Variants in LCLAT1 observed in about 807,000 individuals in gnomAD.
LCLAT1 encodes the protein lysocardiolipin acyltransferase 1.
A neutral mutation model predicts 30.7 loss-of-function variants in LCLAT1; 11 were observed. That is an observed-to-expected ratio of 0.36 (90% CI 0.23 to 0.59). The LOEUF is 0.59. Ranked by LOEUF, LCLAT1 falls within the 20% of genes least tolerant of loss-of-function variation. LCLAT1 has a pLI of 0.77. For missense variants in LCLAT1, 402 were observed against 458.6 expected (o/e 0.88, Z 1.13); for synonymous variants, 155 against 151.3 (o/e 1.02, Z -0.18).
At chr2:30,491,275 T>G (rs141068306) in intron 1 of LCLAT1, among the ~76,000 whole-genome samples, 1 of 152,248 alleles carries the variant, frequency 6.6e-6, no homozygotes, top group African/African-American at 2.4e-5. Context: ...ATAGATACAT[T>G]AGTGCCATGT....
At chr2:30,499,573 A>C (rs1045134805) in intron 1 of LCLAT1, among the ~76,000 whole-genome samples, 1 of 152,192 alleles carries the variant, frequency 6.6e-6, no homozygotes, top group African/African-American at 2.4e-5. Context: ...CCAGTGGAGT[A>C]AGTTATCTCT....
At chr2:30,537,545 C>CAT (rs397766280) in intron 3 of LCLAT1, among the ~76,000 whole-genome samples, 76 of 149,816 alleles carry the variant, frequency 5.1e-4, no homozygotes, top group African/African-American at 1.7e-3. Context: ...CACACACACA[C>CAT]GCACGCACAC....
At chr2:30,517,938 G>A (rs1685267486) in intron 1 of LCLAT1, among the ~76,000 whole-genome samples, 1 of 152,142 alleles carries the variant, frequency 6.6e-6, no homozygotes, top group Non-Finnish European at 1.5e-5. Flanking sequence ...CAAAAGCGCT[G>A]AGGCCACTGA....
intron 5 of LCLAT1, among the ~76,000 whole-genome samples, chr2:30,625,777 A>C (rs1668479374): frequency 6.6e-6 from 1 of 152,206 alleles, no homozygotes; most frequent in South Asian, 2.1e-4. Flanking sequence ...TCCTGTTCTT[A>C]ATATGCCATT....
At chr2:30,558,726 A>G (rs139409601) in intron 3 of LCLAT1, among the ~76,000 whole-genome samples, 1 of 152,258 alleles carries the variant, frequency 6.6e-6, no homozygotes, top group Non-Finnish European at 1.5e-5. Context: ...GAAAATATAG[A>G]TAGAGCAATC....
At chr2:30,546,253 A>G (rs1453077511) in intron 3 of LCLAT1, among the ~76,000 whole-genome samples, 1 of 152,226 alleles carries the variant, frequency 6.6e-6, no homozygotes, top group African/African-American at 2.4e-5. Context: ...GAAACTGGAT[A>G]GGAAGCTGTT....
At chr2:30,459,571 A>C (rs770897044) in intron 1 of LCLAT1, 1 of 1,344,758 alleles carries the variant, frequency 7.4e-7, no homozygotes, top group Non-Finnish European at 1.1e-6. Flanking sequence ...CAGAGTGGGT[A>C]CTCTCTTCTG....
intron 4 of LCLAT1, among the ~76,000 whole-genome samples, chr2:30,564,025 T>C (rs1017617904): frequency 8.5e-5 from 13 of 152,184 alleles, no homozygotes; most frequent in African/African-American, 2.9e-4. Flanking sequence ...TAGAAGTGGT[T>C]GGATCACAGA....
intron 4 of LCLAT1, among the ~76,000 whole-genome samples, chr2:30,564,670 T>A (rs1572632060): frequency 6.6e-6 from 1 of 152,272 alleles, no homozygotes; most frequent in South Asian, 2.1e-4. Flanking sequence ...TAAAAAATCA[T>A]TTTAAAAAAT....
intron 3 of LCLAT1, among the ~76,000 whole-genome samples, chr2:30,557,415 C>A (rs1664976274): frequency 6.7e-6 from 1 of 149,740 alleles, no homozygotes; most frequent in Admixed American, 6.7e-5. Context: ...AAATTCACAT[C>A]AATTTTTTTT....
chr2:30,570,195 A>G (rs1665720705), intron 5 of LCLAT1, among the ~76,000 whole-genome samples: 2 of 152,176 alleles, frequency 1.3e-5, no homozygotes, highest in Admixed American at 1.3e-4. Flanking sequence ...GCACTAGTCA[A>G]CAACCACAGT....
intron 1 of LCLAT1, among the ~76,000 whole-genome samples, chr2:30,466,766 C>A (rs1177870825): frequency 5.9e-5 from 9 of 152,062 alleles, no homozygotes; most frequent in Non-Finnish European, 1.0e-4. Context: ...CCCTGGTAAT[C>A]TGGATTAACA....
chr2:30,456,644 GGTTT>G (rs1681852741), intron 1 of LCLAT1, among the ~76,000 whole-genome samples: 1 of 152,186 alleles, frequency 6.6e-6, no homozygotes, highest in African/African-American at 2.4e-5. Flanking sequence ...GGAGAGCAGG[GGTTT>G]GTTTTTTGTT....
At chr2:30,561,902 C>T (rs551867085) in intron 3 of LCLAT1, among the ~76,000 whole-genome samples, 12 of 152,142 alleles carry the variant, frequency 7.9e-5, no homozygotes, top group African/African-American at 2.4e-4. Flanking sequence ...AGCTAGTTTT[C>T]GCTTGAAAAG....
intron 5 of LCLAT1, among the ~76,000 whole-genome samples, chr2:30,577,261 A>G (rs1393874274): frequency 5.9e-5 from 9 of 152,218 alleles, no homozygotes; most frequent in Non-Finnish European, 1.0e-4. Flanking sequence ...TCGGCACTGC[A>G]TAAAGTGTAA....
At chr2:30,584,168 A>C (rs555285691) in intron 5 of LCLAT1, among the ~76,000 whole-genome samples, 1 of 152,292 alleles carries the variant, frequency 6.6e-6, no homozygotes, top group East Asian at 1.9e-4. Flanking sequence ...GGATCCCGTC[A>C]GCCAAACTGG....
chr2:30,485,140 G>A (rs1170717383), intron 1 of LCLAT1, among the ~76,000 whole-genome samples: 1 of 152,110 alleles, frequency 6.6e-6, no homozygotes, highest in African/African-American at 2.4e-5. Context: ...GGAAAGCATT[G>A]TGATAAGAGA....
chr2:30,514,266 C>T (rs558288072), intron 1 of LCLAT1, among the ~76,000 whole-genome samples: 1 of 152,332 alleles, frequency 6.6e-6, no homozygotes, highest in East Asian at 1.9e-4. Context: ...AGGGACATAA[C>T]AAGGTCCTTT....
At chr2:30,606,213 A>AT (rs1336826419) in intron 5 of LCLAT1, 4 of 325,570 alleles carry the variant, frequency 1.2e-5, no homozygotes, top group Non-Finnish European at 2.4e-5. Flanking sequence ...TGCCGTTGAC[A>AT]TTCTTCATAG....
Sources: gnomAD v4.1 joint callset for allele counts (sites outside exome capture counted in the v4.1 genomes callset) on GRCh38, gnomAD v4.1.1 for gene constraint, MANE v1.5 for transcripts, NCBI Gene and HGNC (gene_info 2026-07-23, HGNC 2026-07-21) for gene names.